The following PCDHGA2 variants were observed in gnomAD, a reference collection of about 807,000 sequenced individuals.
The protein encoded by PCDHGA2 is protocadherin gamma subfamily A, 2, also known as protocadherin gamma-A2.
PCDHGA2 carries 40 observed loss-of-function variants against 59.2 expected under a neutral mutation model. The ratio of observed to expected loss-of-function variants is 0.68; its 90% CI spans 0.52 to 0.88. The LOEUF is 0.88. PCDHGA2 is among the 40% of genes least tolerant of loss of function. The probability of loss-of-function intolerance (pLI) is 0.00; values close to 1 mark genes in which losing one functional copy is unlikely to be tolerated. For missense variants in PCDHGA2, 1,226 were observed against 1,204.0 expected (o/e 1.02, Z -0.27); for synonymous variants, 560 against 526.0 (o/e 1.06, Z -0.89).
chr5:141,383,987 G>A (rs773186043), intron 1 of PCDHGA2: 70 of 1,613,612 alleles, frequency 4.3e-5, no homozygotes, highest in Admixed American at 3.3e-5. Context: ...ACACCTCTTG[G>A]GACAGTCATT....
At chr5:141,370,904 C>T in intron 1 of PCDHGA2, 4 of 1,614,034 alleles carry the variant, frequency 2.5e-6, no homozygotes, top group Non-Finnish European at 3.4e-6. Context: ...TGCAGCAGTA[C>T]TACCTCAGCC....
intron 1 of PCDHGA2, chr5:141,360,661 G>T (rs779342119): frequency 6.2e-7 from 1 of 1,613,944 alleles, no homozygotes; most frequent in Middle Eastern, 1.6e-4. Flanking sequence ...TAATGACAAC[G>T]AGTACTTTGA....
At chr5:141,418,566 A>G (rs2096269931) in intron 1 of PCDHGA2, 2 of 1,614,054 alleles carry the variant, frequency 1.2e-6, no homozygotes, top group South Asian at 1.1e-5. Context: ...ATAGATGCCA[A>G]TGACAACCCC....
Position 141,491,815 on chromosome 5 carries a change from C to T in PCDHGA2, c.2425-2992C>T. The T allele has an allele frequency of 6.7e-7, 1 of 1,485,264 alleles. No individual in the cohort carries two copies. Among genetic ancestry groups the T allele is most frequent in the African/African-American group, 1.4e-5 (1 of 70,622 alleles). The allele number at this position is 1,485,264 out of a possible 1,614,324, so 92.0% of individuals were successfully genotyped here. ...CCTCTCCGGCCGGCTTGGTCGCTGGCTGCGCTCCACCCGATTCTCGGGATC... is the reference window on the plus strand; with the variant it reads ...CCTCTCCGGCCGGCTTGGTCGCTGGTTGCGCTCCACCCGATTCTCGGGATC... On this transcript the variant is annotated intron_variant, in intron 1 of 3. Coordinates refer to ENST00000394576, the MANE Select transcript of PCDHGA2 (RefSeq NM_018915.4). This position sits in a 1 kb window ranked among gnomAD's most constrained non-coding sequence, Gnocchi z 6.9.
At chr5:141,348,897 T>C (rs1423710494) in intron 1 of PCDHGA2, among the ~76,000 whole-genome samples, 1 of 152,158 alleles carries the variant, frequency 6.6e-6, no homozygotes, top group African/African-American at 2.4e-5. Context: ...TGGTAATGCA[T>C]TTGAAATAAA....
chr5:141,423,078 C>T (rs752144906), intron 1 of PCDHGA2: 2 of 1,614,108 alleles, frequency 1.2e-6, no homozygotes, highest in Non-Finnish European at 1.7e-6. Context: ...AGCCGGGACT[C>T]TTCGCGGTGG....
At chr5:141,393,639 A>G in intron 1 of PCDHGA2, 1 of 1,613,964 alleles carries the variant, frequency 6.2e-7, no homozygotes, top group Non-Finnish European at 8.5e-7. Context: ...AATCAACGGA[A>G]AAGTGGCATA....
At chr5:141,384,823 C>T (rs1780554130) in intron 1 of PCDHGA2, 1 of 1,613,490 alleles carries the variant, frequency 6.2e-7, no homozygotes, top group South Asian at 1.1e-5. Flanking sequence ...CAAGCAGAGC[C>T]TCGTGGTGGC....
chr5:141,456,576 A>C (rs1383992335), intron 1 of PCDHGA2, among the ~76,000 whole-genome samples: 2 of 152,188 alleles, frequency 1.3e-5, no homozygotes, highest in African/African-American at 4.8e-5. Context: ...ATTTTCCCTG[A>C]GCCTGTCAAT....
At chr5:141,429,196 A>T (rs2097195436) in intron 1 of PCDHGA2, 2 of 151,994 alleles carry the variant, frequency 1.3e-5, no homozygotes, top group African/African-American at 4.8e-5. Context: ...ACACACACAC[A>T]CACACACACG....
intron 1 of PCDHGA2, chr5:141,365,650 G>C: frequency 6.2e-7 from 1 of 1,613,414 alleles, no homozygotes; most frequent in South Asian, 1.1e-5. Flanking sequence ...ACATCCCCTT[G>C]AAAGTAGCAG....
Position 141,485,574 on chromosome 5 carries a change from C to T in PCDHGA2, c.2425-9233C>T. 1 of 1,612,568 alleles carries T rather than the reference C, an allele frequency of 6.2e-7. No homozygotes were observed. Among genetic ancestry groups the T allele is most frequent in the Non-Finnish European group, 8.5e-7 (1 of 1,178,752 alleles). On this transcript the variant is annotated intron_variant, in intron 1 of 3. Transcript: ENST00000394576. This position sits in a 1 kb window ranked among gnomAD's most constrained non-coding sequence, Gnocchi z 5.7. ...GTGAATGATCACGCCCCCCGTTTTCCGCGGCAGCAGCTGGACTTGGAAATT... is the reference window on the plus strand; with the variant it reads ...GTGAATGATCACGCCCCCCGTTTTCTGCGGCAGCAGCTGGACTTGGAAATT...
chr5:141,505,053 T>C (rs904041070), intron 2 of PCDHGA2, among the ~76,000 whole-genome samples: 2 of 152,108 alleles, frequency 1.3e-5, no homozygotes, highest in African/African-American at 4.8e-5. Context: ...TCCCAGCTAC[T>C]TGGGAGACTG....
intron 1 of PCDHGA2, chr5:141,427,894 C>T (rs974220302): frequency 1.3e-6 from 2 of 1,568,222 alleles, no homozygotes; most frequent in East Asian, 2.2e-5. Flanking sequence ...GACCAGGGCT[C>T]GCCCGCGCTC....
rs1315225126 is a variant in PCDHGA2 at position 141,487,926 on chromosome 5, A to G, written c.2425-6881A>G. The G allele has an allele frequency of 2.2e-5, 14 of 626,676 alleles. No individual in the cohort carries two copies. Among genetic ancestry groups the G allele is most frequent in the Non-Finnish European group, 3.9e-5 (14 of 359,988 alleles). The allele number at this position is 626,676 out of a possible 1,614,324, so 38.8% of individuals were successfully genotyped here. ...GTGGGAGCACAGGAGGCTACAGTGC[A>G]CAGGGTACAGTGCACCAGGCAGTCA... On this transcript the variant is annotated intron_variant, in intron 1 of 3. Coordinates refer to ENST00000394576, the MANE Select transcript of PCDHGA2 (RefSeq NM_018915.4). The surrounding 1 kb of genome is among the most constrained non-coding windows in gnomAD (Gnocchi z 5.0).
chr5:141,380,009 C>T lies in PCDHGA2; in HGVS notation c.2424+38614C>T, dbSNP rs529470373. Among the ~76,000 whole-genome samples the T allele has an allele frequency of 3.4e-5, 5 of 149,132 alleles. No individual in the cohort carries two copies. The South Asian group carries it at 8.7e-4, about 26-fold the overall frequency. ...CCTCCTCCTGGGTTCAAGCGATTCT[C>T]CTGCCTCAGCCTCCCAAGTAGCTGG... On this transcript the variant is annotated intron_variant, in intron 1 of 3. Transcript: ENST00000394576.
Position 141,375,142 on chromosome 5 carries a change from C to A in PCDHGA2, c.2424+33747C>A, listed in dbSNP as rs772426422. The A allele has an allele frequency of 5.0e-6, 8 of 1,613,910 alleles. No homozygotes were observed. The Admixed American group carries it at 1.3e-4, about 27-fold the overall frequency. ...CAGAAGTGGTTGTTACATCTGGAAG[C>A]AGAACAATTGCTGAAAGTGCACCTC... On this transcript the variant is annotated intron_variant, in intron 1 of 3. Transcript: ENST00000394576.
chr5:141,419,564 C>A (rs2096400387), intron 1 of PCDHGA2: 5 of 1,611,832 alleles, frequency 3.1e-6, no homozygotes, highest in Non-Finnish European at 4.2e-6. Context: ...TGCGCTGGGT[C>A]CCGACGGCTC....
In PCDHGA2 at chr5:141,461,259, T is replaced by C. The variant is rs114101293; in HGVS notation, c.2425-33548T>C. Among the ~76,000 whole-genome samples the C allele has an allele frequency of 4.2e-3, 640 of 152,290 alleles. 5 individuals are homozygous for C. The highest frequency in any genetic ancestry group is 0.015 in the African/African-American group (623 of 41,554). On this transcript the variant is annotated intron_variant, in intron 1 of 3. Coordinates refer to ENST00000394576, the MANE Select transcript of PCDHGA2 (RefSeq NM_018915.4). ...TACTAATTTATATTCCCAGCAGCAA[T>C]GTGTAAGTGTTCTCTTTTCCCCACA...
Sources: allele counts gnomAD v4.1 joint callset (sites outside exome capture counted in the v4.1 genomes callset), GRCh38; gene constraint gnomAD v4.1.1; non-coding constraint Gnocchi (gnomAD v3.1); transcripts MANE v1.5; gene names NCBI Gene and HGNC (gene_info 2026-07-23, HGNC 2026-07-21).